TET2: variants seen among roughly 807,000 people sequenced by gnomAD.
The protein encoded by TET2 is methylcytosine dioxygenase TET2.
A neutral mutation model predicts 142.9 loss-of-function variants in TET2; 299 were observed. The ratio of observed to expected loss-of-function variants is 2.09; its 90% confidence interval spans 1.90 to 2.30. The LOEUF (loss-of-function observed/expected upper bound fraction) is 2.30, where lower values mean the gene tolerates loss of function less well. Among genes scored for constraint, TET2 ranks in the 30% most tolerant of loss-of-function variants. The pLI is 0.00. For synonymous variants in TET2, 819 were observed against 849.0 expected (o/e 0.96, Z 0.61); for missense variants, 2,418 against 2,378.0 (o/e 1.02, Z -0.35).
At chr4:105,231,569 C>T (rs1460404330) in intron 2 of TET2, among the ~76,000 whole-genome samples, 1 of 152,058 alleles carries the variant, frequency 6.6e-6, no homozygotes, top group Admixed American at 6.5e-5. Flanking sequence ...TTACTTGATT[C>T]TCTAGGTTGA....
At chr4:105,212,491 G>A (rs548203618) in intron 2 of TET2, among the ~76,000 whole-genome samples, 2 of 151,894 alleles carry the variant, frequency 1.3e-5, no homozygotes, top group Non-Finnish European at 2.9e-5. Context: ...GCCTTTATTT[G>A]TGGGTATACA....
At chr4:105,258,551 T>G (rs369703190) in intron 6 of TET2, among the ~76,000 whole-genome samples, 1 of 152,160 alleles carries the variant, frequency 6.6e-6, no homozygotes, top group African/African-American at 2.4e-5. Context: ...GCTTTTTTAA[T>G]GGGCAAATAC....
At chr4:105,159,622 A>G (rs1438235596) in intron 1 of TET2, among the ~76,000 whole-genome samples, 1 of 152,196 alleles carries the variant, frequency 6.6e-6, no homozygotes, top group Non-Finnish European at 1.5e-5. Flanking sequence ...GATTTGGGGA[A>G]ACATGAGCAG....
chr4:105,205,493 T>G (rs1726760178), intron 2 of TET2, among the ~76,000 whole-genome samples: 1 of 148,274 alleles, frequency 6.7e-6, no homozygotes, highest in African/African-American at 2.6e-5. Flanking sequence ...TTTATTTTTG[T>G]CTTTTAGTTG....
At chr4:105,159,575 C>T (rs926785254) in intron 1 of TET2, among the ~76,000 whole-genome samples, 4 of 152,114 alleles carry the variant, frequency 2.6e-5, no homozygotes, top group Admixed American at 1.3e-4. Flanking sequence ...TTTTTATGCC[C>T]TGCAGCAAAC....
Position 105,154,785 on chromosome 4 carries a change from G to A in TET2, c.-193+7806G>A, listed in dbSNP as rs575797013. ...CACACCTGTAATCCCAGCACTTTGC[G>A]AGGCGGAAGTGGGTGGGTCTCTTGA... On this transcript the variant is annotated intron_variant, in intron 1 of 10. Coordinates refer to ENST00000380013, the MANE Select transcript of TET2 (RefSeq NM_001127208.3). 2.4e-4 allele frequency among the ~76,000 whole-genome samples: 37 copies of A among 152,264 alleles called. No homozygotes were observed. In the South Asian group the frequency reaches 5.4e-3, roughly 22 times the overall value.
intron 6 of TET2, among the ~76,000 whole-genome samples, chr4:105,251,558 A>G (rs1033145931): frequency 2.6e-5 from 4 of 152,184 alleles, no homozygotes; most frequent in Admixed American, 2.0e-4. Flanking sequence ...ACATTAGATT[A>G]ACATTATATT....
intron 1 of TET2, among the ~76,000 whole-genome samples, chr4:105,183,770 A>G (rs1725262186): frequency 6.6e-6 from 1 of 152,228 alleles, no homozygotes; most frequent in African/African-American, 2.4e-5. Flanking sequence ...TCAGCCGCGC[A>G]AATACAATCA....
rs562500581 is a variant in TET2, at chr4:105,199,638, C to T, written c.-47+9133C>T. On this transcript the variant is annotated intron_variant, in intron 2 of 10. Coordinates refer to ENST00000380013, the MANE Select transcript of TET2 (RefSeq NM_001127208.3). Reference sequence around the variant, plus strand: ...TTTGTTGTACAGGTTATTTCATCACCCAGGTATTAAGCCTAGTACCCATTA... The same window carrying T: ...TTTGTTGTACAGGTTATTTCATCACTCAGGTATTAAGCCTAGTACCCATTA... Among the ~76,000 whole-genome samples the T allele has an allele frequency of 9.2e-5, 14 of 152,210 alleles. No homozygotes were observed. The South Asian group carries it at 1.9e-3, about 20-fold the overall frequency.
chr4:105,197,164 G>A (rs112483151), intron 2 of TET2, among the ~76,000 whole-genome samples: 2,098 of 152,240 alleles, frequency 0.014, 31 homozygotes, highest in Middle Eastern at 0.058. Context: ...TAAATGTGTT[G>A]CAGTTGAGAT....
In TET2 at chr4:105,237,320, TCAATATGATTTCC is replaced by T; in HGVS notation, c.3381_3393del (p.Gln1127HisfsTer6). ...ATTTATTGGATACACCTGTCAAGACTCAATATGATTTCCCATCTTGCAGATGTGTAGGTAAGTG... is the reference window on the plus strand; with the variant it reads ...ATTTATTGGATACACCTGTCAAGACTCATCTTGCAGATGTGTAGGTAAGTG... On this transcript the variant is annotated frameshift_variant, in exon 3 of 11. Transcript: ENST00000380013. LOFTEE classifies it high-confidence loss of function. 1 of 1,614,150 alleles carries T rather than the reference TCAATATGATTTCC, an allele frequency of 6.2e-7. No individual in the cohort carries two copies. Among genetic ancestry groups the T allele is most frequent in the Non-Finnish European group, 8.5e-7 (1 of 1,179,988 alleles).
chr4:105,266,330 C>T (rs1248920882), intron 8 of TET2, among the ~76,000 whole-genome samples: 1 of 151,592 alleles, frequency 6.6e-6, no homozygotes, highest in African/African-American at 2.4e-5. Flanking sequence ...AATTTAACTG[C>T]ATCACAGTAC....
intron 1 of TET2, among the ~76,000 whole-genome samples, chr4:105,179,513 C>G (rs559377726): frequency 3.9e-4 from 60 of 152,274 alleles, no homozygotes; most frequent in South Asian, 1.2e-3. Context: ...TCCTTTTTCT[C>G]AAACTATTCA....
chr4:105,243,898 C>T (rs1393233969), intron 6 of TET2, 120 bp downstream of exon 6: 7 of 839,054 alleles, frequency 8.3e-6, no homozygotes, highest in Non-Finnish European at 1.3e-5. Flanking sequence ...CATCAAAATG[C>T]CTGTTTGGCA....
intron 6 of TET2, among the ~76,000 whole-genome samples, chr4:105,252,041 G>A (rs907776892): frequency 3.9e-5 from 6 of 152,074 alleles, no homozygotes; most frequent in South Asian, 2.1e-4. Flanking sequence ...GACAATTGTC[G>A]ATGAAAGTTC....
intron 2 of TET2, among the ~76,000 whole-genome samples, chr4:105,224,385 C>A (rs1728046082): frequency 6.6e-6 from 1 of 152,104 alleles, no homozygotes; most frequent in Admixed American, 6.6e-5. Flanking sequence ...ATCATAGCAT[C>A]TTCAAAGAGG....
intron 6 of TET2, among the ~76,000 whole-genome samples, chr4:105,256,340 A>C (rs918065420): frequency 2.0e-5 from 3 of 152,140 alleles, no homozygotes; most frequent in African/African-American, 7.2e-5. Flanking sequence ...GAATGTCCTA[A>C]TTTATTATAT....
At chr4:105,155,535 C>T (rs1723522883) in intron 1 of TET2, among the ~76,000 whole-genome samples, 1 of 152,236 alleles carries the variant, frequency 6.6e-6, no homozygotes, top group African/African-American at 2.4e-5. Flanking sequence ...TTTGGACACA[C>T]AGGGTGAATT....
At chr4:105,164,787 G>GT (rs1051296101) in intron 1 of TET2, among the ~76,000 whole-genome samples, 1 of 152,202 alleles carries the variant, frequency 6.6e-6, no homozygotes, top group Non-Finnish European at 1.5e-5. Flanking sequence ...TTGCACAAGT[G>GT]TAACAGCACA....
Sources: allele counts gnomAD v4.1 joint callset (sites outside exome capture counted in the v4.1 genomes callset), GRCh38; gene constraint gnomAD v4.1.1; transcripts MANE v1.5; gene names NCBI Gene and HGNC (gene_info 2026-07-23, HGNC 2026-07-21).